The following STK32A variants were observed in gnomAD, a reference collection of about 807,000 sequenced individuals.
The protein encoded by STK32A is serine/threonine-protein kinase 32A.
STK32A carries 41 observed loss-of-function variants against 53.2 expected under a neutral mutation model. The ratio of observed to expected loss-of-function variants is 0.77; its 90% CI spans 0.60 to 1.00. STK32A has a LOEUF of 1.00. Ranked by LOEUF, STK32A falls within the 50% of genes least tolerant of loss-of-function variation. The pLI is 0.00. For synonymous variants in STK32A, 166 were observed against 162.8 expected, an observed-to-expected ratio of 1.02 and a Z score of -0.15; for missense variants, 458 against 485.8, an observed-to-expected ratio of 0.94 and a Z score of 0.54.
the STK32A span, chr5:147,397,887 GAA>G: frequency 6.5e-7 from 1 of 1,531,294 alleles, no homozygotes; most frequent in Non-Finnish European, 8.8e-7. Flanking sequence ...TAAGGGTAGA[GAA>G]AGAGGAACGT....
intron 4 of STK32A, among the ~76,000 whole-genome samples, chr5:147,304,155 G>C (rs1335979649): frequency 1.3e-5 from 2 of 152,202 alleles, no homozygotes; most frequent in Admixed American, 1.3e-4. Context: ...TGTCTGGGCG[G>C]ACATGAGTCA....
intron 5 of STK32A, among the ~76,000 whole-genome samples, chr5:147,330,962 T>A (rs536920540): frequency 6.6e-6 from 1 of 152,228 alleles, no homozygotes; most frequent in African/African-American, 2.4e-5. Flanking sequence ...CACCTTTGTG[T>A]CTAATTCTCA....
chr5:147,239,496 A>G, intron 1 of STK32A, 43 bp from the exon 2 acceptor site: 1 of 635,792 alleles, frequency 1.6e-6, no homozygotes, highest in South Asian at 2.1e-5. Flanking sequence ...GGGTGCCTAG[A>G]GTATAGCATA....
intron 7 of STK32A, among the ~76,000 whole-genome samples, chr5:147,355,100 G>T (rs1032408514): frequency 1.3e-5 from 2 of 152,088 alleles, no homozygotes; most frequent in African/African-American, 4.8e-5. Flanking sequence ...AGAACAAAAA[G>T]AATTCTAAAA....
chr5:147,329,780 A>C (rs1358728386), intron 5 of STK32A, among the ~76,000 whole-genome samples: 1 of 152,180 alleles, frequency 6.6e-6, no homozygotes, highest in Non-Finnish European at 1.5e-5. Context: ...TCATAAGTGG[A>C]TACTACACCT....
At chr5:147,361,220 A>G (rs1286720740) in intron 7 of STK32A, among the ~76,000 whole-genome samples, 1 of 152,210 alleles carries the variant, frequency 6.6e-6, no homozygotes, top group African/African-American at 2.4e-5. Context: ...GGTGAGCCAC[A>G]TATTTGAGGC....
intron 4 of STK32A, among the ~76,000 whole-genome samples, chr5:147,285,771 TAA>T (rs60689790): frequency 4.0e-5 from 6 of 151,604 alleles, no homozygotes; most frequent in Non-Finnish European, 5.9e-5. Flanking sequence ...ATGGTTATAA[TAA>T]AAAAAAAATC....
Position 147,331,209 on chromosome 5 carries a change from T to A in STK32A, c.434+7138T>A, listed in dbSNP as rs555371570. Among the ~76,000 whole-genome samples, 7 of 152,346 alleles carry A rather than the reference T, an allele frequency of 4.6e-5. No homozygotes were observed. In the South Asian group the frequency reaches 1.4e-3, roughly 32 times the overall value. On this transcript the variant is annotated intron_variant, in intron 5 of 12. Coordinates refer to ENST00000397936, the MANE Select transcript of STK32A (RefSeq NM_001112724.2). ...AAGTATTTCAGAGATTTTTAACTATTTAATTTATACTACAAAGCACCTATG... is the reference window on the plus strand; with the variant it reads ...AAGTATTTCAGAGATTTTTAACTATATAATTTATACTACAAAGCACCTATG...
At chr5:147,399,179 T>C in the STK32A span, 1 of 1,614,226 alleles carries the variant, frequency 6.2e-7, no homozygotes, top group Admixed American at 1.7e-5. Flanking sequence ...CTTGCGGGGA[T>C]ACAGGTTGAA....
Position 147,385,104 on chromosome 5 carries a change from T to C in STK32A, c.*1121T>C, listed in dbSNP as rs1268323670. 3 of 152,316 alleles carry C rather than the reference T, an allele frequency of 2.0e-5. No individual in the cohort carries two copies. In the East Asian group the frequency reaches 5.8e-4, roughly 29 times the overall value. 9.4% of individuals were successfully genotyped at this position (152,316 alleles called of 1,614,324 possible). On this transcript the variant is annotated 3_prime_UTR_variant, in exon 13 of 13. Coordinates refer to ENST00000397936, the MANE Select transcript of STK32A (RefSeq NM_001112724.2). ...TTGGCTAATACCAGATGAGCTAAAA[T>C]GTTGAACAAATTATACTTGTTTTTA...
the STK32A span, chr5:147,397,631 C>G: frequency 6.3e-7 from 1 of 1,598,548 alleles, no homozygotes; most frequent in African/African-American, 1.3e-5. Flanking sequence ...GAACACAAAG[C>G]TCCTGCACCA....
chr5:147,314,516 AC>A (rs1561713434), intron 4 of STK32A, among the ~76,000 whole-genome samples: 667 of 10,282 alleles, frequency 0.065, 52 homozygotes, highest in Middle Eastern at 0.33. Context: ...ACAAAAAAAA[AC>A]AAAAAAAAAC....
At chr5:147,336,556 A>G (rs1755135252) in intron 5 of STK32A, among the ~76,000 whole-genome samples, 1 of 152,168 alleles carries the variant, frequency 6.6e-6, no homozygotes, top group Admixed American at 6.5e-5. Flanking sequence ...ATTTCAGTAA[A>G]CTTTACTATG....
At chr5:147,317,542 G>C (rs1170024561) in intron 4 of STK32A, among the ~76,000 whole-genome samples, 1 of 151,774 alleles carries the variant, frequency 6.6e-6, no homozygotes, top group African/African-American at 2.4e-5. Flanking sequence ...GGTAAGCCTG[G>C]TCTCAAACTC....
chr5:147,266,619 G>A (rs1754822829), intron 2 of STK32A, among the ~76,000 whole-genome samples: 1 of 152,096 alleles, frequency 6.6e-6, no homozygotes, highest in African/African-American at 2.4e-5. Flanking sequence ...AGGTGATGTG[G>A]ATATAGCGAA....
At chr5:147,287,881 C>T (rs946185291) in intron 4 of STK32A, among the ~76,000 whole-genome samples, 12 of 151,782 alleles carry the variant, frequency 7.9e-5, no homozygotes, top group Admixed American at 5.9e-4. Context: ...ACCAGGGACC[C>T]ATGATAAGGC....
chr5:147,295,025 C>T (rs547490977), intron 4 of STK32A, among the ~76,000 whole-genome samples: 4 of 152,268 alleles, frequency 2.6e-5, no homozygotes, highest in African/African-American at 9.6e-5. Flanking sequence ...ACAATTTTAA[C>T]TCTTAGGAAC....
chr5:147,370,554 G>A (rs2152003189), intron 8 of STK32A, 100 bp from the exon 9 acceptor site: 1 of 695,040 alleles, frequency 1.4e-6, no homozygotes, highest in East Asian at 2.7e-5. Context: ...AATTGATATA[G>A]ATATTTTATC....
intron 4 of STK32A, among the ~76,000 whole-genome samples, chr5:147,295,899 C>A (rs775392259): frequency 2.0e-5 from 3 of 152,138 alleles, no homozygotes; most frequent in South Asian, 2.1e-4. Flanking sequence ...ACTAAGGGAG[C>A]AGGTGTATAT....
Sources: gnomAD v4.1 joint callset for allele counts (sites outside exome capture counted in the v4.1 genomes callset) on GRCh38, gnomAD v4.1.1 for gene constraint, MANE v1.5 for transcripts, NCBI Gene and HGNC (gene_info 2026-07-23, HGNC 2026-07-21) for gene names.